The following DCDC2C variants were observed in gnomAD, a reference collection of about 807,000 sequenced individuals.
DCDC2C encodes the protein doublecortin domain-containing protein 2C.
In DCDC2C, 44 loss-of-function variants were observed where a neutral mutation model predicts 45.0. The ratio of observed to expected loss-of-function variants is 0.98; its 90% CI spans 0.77 to 1.26. The LOEUF (loss-of-function observed/expected upper bound fraction) is 1.26, where lower values mean the gene tolerates loss of function less well. Among genes scored for constraint, DCDC2C ranks in the 50% most tolerant of loss-of-function variants. The pLI is 0.00. For synonymous variants in DCDC2C, 187 were observed against 178.8 expected (o/e 1.05, Z -0.37); for missense variants, 447 against 468.9 (o/e 0.95, Z 0.43).
At chr2:3,781,606 T>G (rs1167525553) in intron 9 of DCDC2C, among the ~76,000 whole-genome samples, 2 of 152,250 alleles carry the variant, frequency 1.3e-5, no homozygotes, top group African/African-American at 4.8e-5. Flanking sequence ...ATGCCTGTAA[T>G]CCTGGCAATT....
At chr2:3,706,253 C>T (rs771422565) in intron 1 of DCDC2C, among the ~76,000 whole-genome samples, 8 of 152,118 alleles carry the variant, frequency 5.3e-5, no homozygotes, top group Non-Finnish European at 1.0e-4. Context: ...ATTAGTGATC[C>T]GGGAGCTCCC....
At chr2:3,744,982 A>G (rs1558574631) in intron 4 of DCDC2C, among the ~76,000 whole-genome samples, 1 of 151,836 alleles carries the variant, frequency 6.6e-6, no homozygotes, top group Admixed American at 6.5e-5. Context: ...GAAGAAATCT[A>G]TTATTTATTT....
intron 4 of DCDC2C, among the ~76,000 whole-genome samples, chr2:3,744,982 ATTAT>A (rs550805857): frequency 6.6e-6 from 1 of 151,836 alleles, no homozygotes; most frequent in East Asian, 1.9e-4. Flanking sequence ...GAAGAAATCT[ATTAT>A]TTATTTATTT....
intron 10 of DCDC2C, among the ~76,000 whole-genome samples, chr2:3,795,072 T>G (rs1670919080): frequency 1.3e-5 from 2 of 151,986 alleles, no homozygotes; most frequent in African/African-American, 4.8e-5. Flanking sequence ...TGGTGTGAGA[T>G]GGTATCTCAT....
intron 10 of DCDC2C, among the ~76,000 whole-genome samples, chr2:3,829,714 T>C (rs552652725): frequency 1.3e-5 from 2 of 152,252 alleles, no homozygotes; most frequent in Middle Eastern, 3.4e-3. Context: ...TTCTGCTCAT[T>C]TTCCCTGCTG....
intron 10 of DCDC2C, among the ~76,000 whole-genome samples, chr2:3,789,643 A>AT (rs1670752991): frequency 1.3e-5 from 2 of 152,122 alleles, no homozygotes; most frequent in Non-Finnish European, 2.9e-5. Context: ...TGGATGGTTA[A>AT]TTTTTTCCTA....
In DCDC2C at chr2:3,704,036, C is replaced by G. The variant is rs1031090151; in HGVS notation, c.285C>G (p.Leu95=). The G allele has an allele frequency of 7.9e-7, 1 of 1,262,052 alleles. No homozygotes were observed. The highest frequency in any genetic ancestry group is 1.0e-6 in the Non-Finnish European group (1 of 1,002,848). The allele number at this position is 1,262,052 out of a possible 1,614,324, so 78.2% of individuals were successfully genotyped here. ...CGGGCCGCGAGCGCTTCAAGGAGCT[C>G]GAGTAAGTGCGCCCGCGCCCCCCAC... ...VAAGRERFKE[L]DYIHIVPRKP... The change falls in exon 1 of 11, where the codon CTC becomes CTG. Residue 95 remains leucine, a splice_region_variant and synonymous_variant. Coordinates refer to ENST00000399143, the MANE Select transcript of DCDC2C (RefSeq NM_001287444.2).
At chr2:3,753,989 G>A (rs1303349219) in intron 5 of DCDC2C, among the ~76,000 whole-genome samples, 1 of 152,174 alleles carries the variant, frequency 6.6e-6, no homozygotes, top group Non-Finnish European at 1.5e-5. Flanking sequence ...ACACTGTGGG[G>A]CTGTGGAGTT....
At chr2:3,756,819 C>T (rs565602517) in intron 6 of DCDC2C, among the ~76,000 whole-genome samples, 1 of 152,360 alleles carries the variant, frequency 6.6e-6, no homozygotes, top group South Asian at 2.1e-4. Context: ...TTGTCCTTCT[C>T]TGGCTTTTGT....
At chr2:3,771,329 A>C (rs191739031) in intron 8 of DCDC2C, among the ~76,000 whole-genome samples, 1 of 152,342 alleles carries the variant, frequency 6.6e-6, no homozygotes, top group Non-Finnish European at 1.5e-5. Context: ...ATCTTCCAGA[A>C]GTGGATACAA....
intron 8 of DCDC2C, among the ~76,000 whole-genome samples, chr2:3,772,917 G>A (rs1670220950): frequency 6.6e-6 from 1 of 152,122 alleles, no homozygotes; most frequent in Admixed American, 6.5e-5. Flanking sequence ...AACTTGACAC[G>A]GAGACTCTCA....
intron 10 of DCDC2C, among the ~76,000 whole-genome samples, chr2:3,839,431 G>A (rs1046200628): frequency 2.0e-5 from 3 of 152,160 alleles, no homozygotes; most frequent in Non-Finnish European, 2.9e-5. Flanking sequence ...GTTTTAAACC[G>A]AGTATTGAAT....
At chr2:3,778,446 G>T (rs1232204829) in intron 8 of DCDC2C, among the ~76,000 whole-genome samples, 1 of 152,192 alleles carries the variant, frequency 6.6e-6, no homozygotes, top group Non-Finnish European at 1.5e-5. Context: ...CCACTGCTAT[G>T]TGAGGAGTGA....
chr2:3,736,943 C>T (rs1669048431), intron 3 of DCDC2C, among the ~76,000 whole-genome samples: 1 of 152,178 alleles, frequency 6.6e-6, no homozygotes, highest in Non-Finnish European at 1.5e-5. Flanking sequence ...CCTCCTTTTG[C>T]CTTCATTATA....
In DCDC2C at chr2:3,818,044, T is replaced by C. The variant is rs1381129059; in HGVS notation, c.1066-29110T>C. Among the ~76,000 whole-genome samples, 2 of 152,016 alleles carry C rather than the reference T, an allele frequency of 1.3e-5. No homozygotes were observed. The highest frequency in any genetic ancestry group is 2.9e-5 in the Non-Finnish European group (2 of 68,018). On this transcript the variant is annotated intron_variant, in intron 10 of 10. Coordinates refer to ENST00000399143, the MANE Select transcript of DCDC2C (RefSeq NM_001287444.2). The surrounding 1 kb of genome is among the most constrained non-coding windows in gnomAD (Gnocchi z 4.7). The stretch of plus-strand genomic sequence containing the variant: ...GAATTATGCCAAAATAGATAATGGA[T>C]GAGGAAGAAATTTGGGCTTTGGAGG...
chr2:3,799,536 A>C (rs1671051242), intron 10 of DCDC2C, among the ~76,000 whole-genome samples: 1 of 151,984 alleles, frequency 6.6e-6, no homozygotes, highest in South Asian at 2.1e-4. Flanking sequence ...TGATGTACAG[A>C]TGGGTTTTTG....
At chr2:3,719,866 C>T (rs1020375209) in intron 2 of DCDC2C, among the ~76,000 whole-genome samples, 2 of 152,218 alleles carry the variant, frequency 1.3e-5, no homozygotes, top group African/African-American at 2.4e-5. Flanking sequence ...AAATCAGAGG[C>T]GAGGCTCCAG....
At chr2:3,832,246 C>T (rs1174594157) in intron 10 of DCDC2C, among the ~76,000 whole-genome samples, 1 of 152,190 alleles carries the variant, frequency 6.6e-6, no homozygotes, top group Non-Finnish European at 1.5e-5. Context: ...GAAAAATCAC[C>T]TATAGCACAA....
At chr2:3,813,058 TATATA>T (rs1558238678) in intron 10 of DCDC2C, among the ~76,000 whole-genome samples, 2 of 93,330 alleles carry the variant, frequency 2.1e-5, no homozygotes, top group East Asian at 3.8e-4. Context: ...TATATATATA[TATATA>T]TATATTTTTT....
Sources: gnomAD v4.1 joint callset for allele counts (sites outside exome capture counted in the v4.1 genomes callset) on GRCh38, gnomAD v4.1.1 for gene constraint, Gnocchi (gnomAD v3.1) non-coding constraint, MANE v1.5 for transcripts, NCBI Gene and HGNC (gene_info 2026-07-23, HGNC 2026-07-21) for gene names.